ST6GALNAC3: variants seen among roughly 807,000 people sequenced by gnomAD.
The protein encoded by ST6GALNAC3 is alpha-N-acetylgalactosaminide alpha-2,6-sialyltransferase 3.
A neutral mutation model predicts 32.7 loss-of-function variants in ST6GALNAC3; 25 were observed. The observed-to-expected ratio is 0.76, with a 90% CI of 0.56 to 1.07. ST6GALNAC3 has a LOEUF of 1.07. Ranked by LOEUF, ST6GALNAC3 falls within the 50% of genes least tolerant of loss-of-function variation. The pLI, the probability that ST6GALNAC3 is intolerant of heterozygous loss-of-function variation, is 0.00. For synonymous variants in ST6GALNAC3, 129 were observed against 133.1 expected (o/e 0.97, Z 0.21); for missense variants, 355 against 382.4 (o/e 0.93, Z 0.60).
At chr1:76,498,743 A>G (rs1290381411) in intron 3 of ST6GALNAC3, among the ~76,000 whole-genome samples, 4 of 150,086 alleles carry the variant, frequency 2.7e-5, no homozygotes, top group Non-Finnish European at 4.4e-5. Context: ...AAAAAAACGG[A>G]GAAGAAATTT....
rs1350157078 is a variant in ST6GALNAC3, at chr1:76,206,157, G to C, written c.19-107648G>C. 2.0e-5 allele frequency among the ~76,000 whole-genome samples: 3 copies of C among 152,198 alleles called. 1 individual carries two copies. The highest frequency in any genetic ancestry group is 2.0e-4 in the Admixed American group (3 of 15,276). ...GTAAAAGTCATGATTACGTGCTTAAGTTCTATGATTCCATGGTGAAAGGAT... is the reference window on the plus strand; with the variant it reads ...GTAAAAGTCATGATTACGTGCTTAACTTCTATGATTCCATGGTGAAAGGAT... On this transcript the variant is annotated intron_variant, in intron 1 of 4. Transcript: ENST00000328299.
chr1:76,407,539 A>G (rs1653919208), intron 2 of ST6GALNAC3, among the ~76,000 whole-genome samples: 1 of 152,122 alleles, frequency 6.6e-6, no homozygotes, highest in Non-Finnish European at 1.5e-5. Flanking sequence ...AGGGACCCAG[A>G]CAGGGTTGGC....
intron 1 of ST6GALNAC3, among the ~76,000 whole-genome samples, chr1:76,168,447 T>C (rs1329970298): frequency 6.6e-6 from 1 of 151,704 alleles, no homozygotes; most frequent in Non-Finnish European, 1.5e-5. Context: ...ATGAAAATTG[T>C]TTTTGTGTGG....
intron 3 of ST6GALNAC3, among the ~76,000 whole-genome samples, chr1:76,626,544 C>T (rs1349686978): frequency 6.6e-6 from 1 of 151,926 alleles, no homozygotes; most frequent in African/African-American, 2.4e-5. Flanking sequence ...CCCTTCAGTT[C>T]CTGCATTTCC....
chr1:76,273,818 T>A (rs6593528), intron 1 of ST6GALNAC3, among the ~76,000 whole-genome samples: 23,107 of 152,166 alleles, frequency 0.15, 3,223 homozygotes, highest in African/African-American at 0.36. Flanking sequence ...GTATAAGTAA[T>A]TTTTGCTATA....
intron 1 of ST6GALNAC3, among the ~76,000 whole-genome samples, chr1:76,228,184 C>G (rs1656180270): frequency 6.6e-6 from 1 of 152,164 alleles, no homozygotes; most frequent in Admixed American, 6.6e-5. Context: ...AGAAGTTTGC[C>G]TACCACTAAA....
At chr1:76,277,367 A>G (rs77176956) in intron 1 of ST6GALNAC3, among the ~76,000 whole-genome samples, 3,169 of 152,100 alleles carry the variant, frequency 0.021, 53 homozygotes, top group Admixed American at 0.037. Flanking sequence ...TGGAAAGCCC[A>G]GAAATGAATC....
intron 3 of ST6GALNAC3, among the ~76,000 whole-genome samples, chr1:76,598,951 A>G (rs1647178536): frequency 6.6e-6 from 1 of 152,220 alleles, no homozygotes; most frequent in Admixed American, 6.5e-5. Context: ...TTTCATGGAA[A>G]GAGAAAATAA....
intron 3 of ST6GALNAC3, among the ~76,000 whole-genome samples, chr1:76,534,354 C>A (rs1337598413): frequency 2.6e-5 from 4 of 152,038 alleles, no homozygotes; most frequent in African/African-American, 7.2e-5. Flanking sequence ...AGTCCTATAC[C>A]TTTAAAGTCC....
rs558500184 is a variant in ST6GALNAC3 at position 76,222,385 on chromosome 1, C to A, written c.19-91420C>A. ...ATGCCAAAAACAATTGCAATAAAAA[C>A]AAAAATTGACAAATGGGACCTAATT... On this transcript the variant is annotated intron_variant, in intron 1 of 4. Coordinates refer to ENST00000328299, the MANE Select transcript of ST6GALNAC3 (RefSeq NM_152996.4). Among the ~76,000 whole-genome samples, 47 of 152,160 alleles carry A rather than the reference C, an allele frequency of 3.1e-4. 1 individual carries two copies. The highest frequency in any genetic ancestry group is 1.0e-3 in the African/African-American group (42 of 41,514).
intron 2 of ST6GALNAC3, among the ~76,000 whole-genome samples, chr1:76,335,457 A>ACACACACT (rs1553180885): frequency 3.4e-5 from 5 of 145,596 alleles, no homozygotes; most frequent in African/African-American, 1.3e-4. Context: ...ACACACACAC[A>ACACACACT]CTCACACTCA....
chr1:76,421,066 A>G (rs543833778), intron 3 of ST6GALNAC3, among the ~76,000 whole-genome samples: 1 of 152,232 alleles, frequency 6.6e-6, no homozygotes, highest in East Asian at 1.9e-4. Context: ...GGTATTCAGT[A>G]AAGATTTAAT....
intron 1 of ST6GALNAC3, among the ~76,000 whole-genome samples, chr1:76,140,052 G>A (rs977565853): frequency 6.6e-6 from 1 of 152,054 alleles, no homozygotes; most frequent in African/African-American, 2.4e-5. Flanking sequence ...TTATTCATAT[G>A]GTGCCTCTCA....
intron 3 of ST6GALNAC3, among the ~76,000 whole-genome samples, chr1:76,440,194 C>T (rs1048141202): frequency 2.0e-5 from 3 of 152,134 alleles, no homozygotes; most frequent in Admixed American, 6.5e-5. Flanking sequence ...ATGAAGTGTG[C>T]TGAAGGAGTT....
At chr1:76,510,603 T>G (rs1166637937) in intron 3 of ST6GALNAC3, among the ~76,000 whole-genome samples, 5 of 152,188 alleles carry the variant, frequency 3.3e-5, no homozygotes, top group Admixed American at 2.6e-4. Flanking sequence ...GGCTATGCAC[T>G]ATCTCAGATC....
chr1:76,401,625 T>A (rs944263676), intron 2 of ST6GALNAC3, among the ~76,000 whole-genome samples: 8 of 152,330 alleles, frequency 5.3e-5, no homozygotes, highest in Non-Finnish European at 1.2e-4. Context: ...AGGATGATAT[T>A]ATCTTCCTCC....
intron 1 of ST6GALNAC3, among the ~76,000 whole-genome samples, chr1:76,151,093 G>A (rs1345375469): frequency 6.6e-6 from 1 of 152,168 alleles, no homozygotes; most frequent in African/African-American, 2.4e-5. Flanking sequence ...ACACACTGAT[G>A]GGGAGACAAG....
chr1:76,489,448 C>G (rs1392110828), intron 3 of ST6GALNAC3, among the ~76,000 whole-genome samples: 2 of 152,086 alleles, frequency 1.3e-5, no homozygotes, highest in African/African-American at 4.8e-5. Flanking sequence ...CTCTCTCTCC[C>G]TCTCGCTCTT....
chr1:76,450,635 A>G (rs938481369), intron 3 of ST6GALNAC3, among the ~76,000 whole-genome samples: 8 of 152,188 alleles, frequency 5.3e-5, no homozygotes, highest in Admixed American at 4.6e-4. Context: ...GCCTAAGCCA[A>G]TGTCTAGAAG....
Sources: gnomAD v4.1 joint callset for allele counts (sites outside exome capture counted in the v4.1 genomes callset) on GRCh38, gnomAD v4.1.1 for gene constraint, MANE v1.5 for transcripts, NCBI Gene and HGNC (gene_info 2026-07-23, HGNC 2026-07-21) for gene names.